The following MAFK variants were observed in gnomAD, a reference collection of about 807,000 sequenced individuals.
MAFK encodes the protein MAF bZIP transcription factor K.
A neutral mutation model predicts 9.2 loss-of-function variants in MAFK; 1 was observed. The observed-to-expected ratio is 0.11, with a 90% CI of 0.04 to 0.52. The LOEUF (loss-of-function observed/expected upper bound fraction) is 0.52, where lower values mean the gene tolerates loss of function less well. Ranked by LOEUF, MAFK falls within the 20% of genes least tolerant of loss-of-function variation. The pLI, the probability that MAFK is intolerant of heterozygous loss-of-function variation, is 0.94. For synonymous variants in MAFK, 110 were observed against 107.4 expected (o/e 1.02, Z -0.15); for missense variants, 207 against 236.0 (o/e 0.88, Z 0.81).
intron 2 of MAFK, 145 bp from the exon 3 acceptor site, chr7:1,539,796 C>T (rs934919145): frequency 1.2e-5 from 8 of 681,630 alleles, no homozygotes; most frequent in African/African-American, 1.8e-5. Flanking sequence ...GCACAGTGTC[C>T]TGTGGTCCCT....
intron 1 of MAFK, among the ~76,000 whole-genome samples, chr7:1,531,832 C>T (rs890465830): frequency 5.9e-5 from 9 of 152,212 alleles, no homozygotes; most frequent in Admixed American, 3.9e-4. Context: ...TGCATTCTCG[C>T]GCTCACACCG....
intron 1 of MAFK, chr7:1,538,230 G>A: frequency 1.0e-6 from 1 of 979,860 alleles, no homozygotes; most frequent in South Asian, 4.7e-5. Context: ...ATTAGAATGT[G>A]TGACACAATG....
At position 1,539,108 on chromosome 7, in the gene MAFK, C is replaced by T; in HGVS notation, c.-44-41C>T. On this transcript the variant is annotated intron_variant, in intron 1 of 2. Transcript: ENST00000343242. ...GGGCACCCTGTCCGGCGCTGCCGGC[C>T]CTGACCTGTGCTGGCTTCTCTGCTT... The T allele has an allele frequency of 2.6e-6, 4 of 1,542,280 alleles. No individual in the cohort carries two copies. The South Asian group carries it at 3.4e-5, about 13-fold the overall frequency.
chr7:1,540,669 T>C lies in MAFK; in HGVS notation c.*294T>C, dbSNP rs905603183. ...TTGCACCCGTGGGAGTCGGGACATA[T>C]AATGGAAAGGCCCTCGGGAAGTTCC... On this transcript the variant is annotated 3_prime_UTR_variant, in exon 3 of 3. Transcript: ENST00000343242. 53 of 416,308 alleles carry C rather than the reference T, an allele frequency of 1.3e-4. No individual in the cohort carries two copies. The highest frequency in any genetic ancestry group is 1.1e-3 in the African/African-American group (50 of 47,398). The allele number at this position is 416,308 out of a possible 1,614,324, so 25.8% of individuals were successfully genotyped here.
At position 1,540,619 on chromosome 7, in the gene MAFK, G is replaced by A; in HGVS notation, c.*244G>A. ...GCCCGCCACCTGCTCCCCGCAGGAT[G>A]TGTCTGTGTGTGGGAATTGGTATCT... On this transcript the variant is annotated 3_prime_UTR_variant, in exon 3 of 3. Coordinates refer to ENST00000343242, the MANE Select transcript of MAFK (RefSeq NM_002360.4). 1 of 522,482 alleles carries A rather than the reference G, an allele frequency of 1.9e-6. No homozygotes were observed. The highest frequency in any genetic ancestry group is 3.4e-6 in the Non-Finnish European group (1 of 296,266). The allele number at this position is 522,482 out of a possible 1,614,324, so 32.4% of individuals were successfully genotyped here. A position where few individuals can be genotyped will look rare whatever the true frequency, so the allele number is the denominator to read the frequency against.
intron 1 of MAFK, among the ~76,000 whole-genome samples, chr7:1,531,469 C>T (rs933851923): frequency 6.6e-6 from 1 of 152,176 alleles, no homozygotes; most frequent in East Asian, 1.9e-4. Context: ...TCCCCACAGG[C>T]GGGATCCTGG....
At chr7:1,533,229 C>T (rs931687687) in intron 1 of MAFK, among the ~76,000 whole-genome samples, 20 of 152,284 alleles carry the variant, frequency 1.3e-4, no homozygotes, top group African/African-American at 4.3e-4. Flanking sequence ...CCGCACTGTG[C>T]GTCGGGTGTC....
At chr7:1,535,220 G>C (rs566027493) in intron 1 of MAFK, among the ~76,000 whole-genome samples, 4 of 151,034 alleles carry the variant, frequency 2.6e-5, no homozygotes, top group African/African-American at 9.8e-5. Flanking sequence ...TCCCAACTTG[G>C]TGGAGAAAAT....
rs1479116965 is a variant in MAFK at position 1,540,637 on chromosome 7, T to G, written c.*262T>G. 1 of 489,450 alleles carries G rather than the reference T, an allele frequency of 2.0e-6. No homozygotes were observed. Among genetic ancestry groups the G allele is most frequent in the East Asian group, 3.6e-5 (1 of 27,884 alleles). 30.3% of individuals were successfully genotyped at this position (489,450 alleles called of 1,614,324 possible). A position where few individuals can be genotyped will look rare whatever the true frequency, so the allele number is the denominator to read the frequency against. On this transcript the variant is annotated 3_prime_UTR_variant, in exon 3 of 3. Coordinates refer to ENST00000343242, the MANE Select transcript of MAFK (RefSeq NM_002360.4). ...GCAGGATGTGTCTGTGTGTGGGAAT[T>G]GGTATCTTGCACCCGTGGGAGTCGG...
rs138307776 is a variant in MAFK, at chr7:1,540,237, C to T, written c.333C>T (p.Tyr111=). The T allele has an allele frequency of 5.6e-6, 9 of 1,606,122 alleles. No homozygotes were observed. The East Asian group carries it at 6.8e-5, about 12-fold the overall frequency. ...AGCTGGACGCCCTGCGCTCCAAGTA[C>T]GAGGCGCTGCAGACCTTCGCGCGCA... ...RLELDALRSK[Y]EALQTFARTV... The change falls in exon 3 of 3, where the codon TAC becomes TAT. Residue 111 remains tyrosine (Y), a synonymous_variant. Coordinates refer to ENST00000343242, the MANE Select transcript of MAFK (RefSeq NM_002360.4).
At chr7:1,538,888 T>C in intron 1 of MAFK, 1 of 375,096 alleles carries the variant, frequency 2.7e-6, no homozygotes, top group Non-Finnish European at 4.8e-6. Context: ...TCCCAGCCGC[T>C]CTGTGGAGTG....
chr7:1,540,645 T>C lies in MAFK; in HGVS notation c.*270T>C, dbSNP rs903891250. 6.4e-6 allele frequency: 3 copies of C among 472,424 alleles called. No individual in the cohort carries two copies. Among genetic ancestry groups the C allele is most frequent in the Non-Finnish European group, 1.1e-5 (3 of 266,720 alleles). The allele number at this position is 472,424 out of a possible 1,614,324, so 29.3% of individuals were successfully genotyped here. On this transcript the variant is annotated 3_prime_UTR_variant, in exon 3 of 3. Transcript: ENST00000343242. ...TGTCTGTGTGTGGGAATTGGTATCT[T>C]GCACCCGTGGGAGTCGGGACATATA...
intron 1 of MAFK, among the ~76,000 whole-genome samples, chr7:1,536,356 CGGG>C (rs914206421): frequency 6.6e-5 from 10 of 152,176 alleles, no homozygotes; most frequent in African/African-American, 2.4e-4. Flanking sequence ...CGTCGTTCCT[CGGG>C]GGCTGCTGGA....
At chr7:1,536,559 GTCGGACAGTTCACAAAACCCCA>G (rs1369520461) in intron 1 of MAFK, among the ~76,000 whole-genome samples, 4 of 152,208 alleles carry the variant, frequency 2.6e-5, no homozygotes, top group Admixed American at 6.5e-5. Context: ...GCCATGTGAG[GTCGGACAGTTCACAAAACCCCA>G]TTTAGGGCAG....
At position 1,535,085 on chromosome 7, in the gene MAFK, CTTT is replaced by C. The variant is rs59057812; in HGVS notation, c.-44-4049_-44-4047del. 1.2e-4 allele frequency among the ~76,000 whole-genome samples: 13 copies of C among 111,948 alleles called. No homozygotes were observed. The South Asian group carries it at 2.4e-3, about 21-fold the overall frequency. The allele number at this position is 111,948 out of a possible 152,430, so 73.4% of individuals were successfully genotyped here. A position where few individuals can be genotyped will look rare whatever the true frequency, so the allele number is the denominator to read the frequency against. On this transcript the variant is annotated intron_variant, in intron 1 of 2. Transcript: ENST00000343242. ...CCATCACAACTGGCTATTTAAAATT[CTTT>C]TTTTTTTTTTTTTTGTAGAGATGGG...
intron 1 of MAFK, chr7:1,537,242 CT>C: frequency 2.9e-6 from 1 of 350,308 alleles, no homozygotes; most frequent in Non-Finnish European, 4.0e-6. Flanking sequence ...CCGGACCTTC[CT>C]TTTCCGCCCG....
At chr7:1,539,303 T>C (rs920926829) in intron 2 of MAFK, 75 bp downstream of exon 2, 10 of 1,290,784 alleles carry the variant, frequency 7.7e-6, no homozygotes, top group African/African-American at 3.0e-5. Flanking sequence ...GCCCCTGCTA[T>C]CCCAGGGCCG....
intron 1 of MAFK, chr7:1,537,272 G>A (rs1784053700): frequency 1.7e-6 from 1 of 580,428 alleles, no homozygotes; most frequent in Non-Finnish European, 2.2e-6. Flanking sequence ...GCCACGGCGG[G>A]CAGTGGGCCC....
intron 1 of MAFK, chr7:1,537,421 A>T (rs1033394523): frequency 2.0e-6 from 2 of 985,400 alleles, no homozygotes; most frequent in Non-Finnish European, 2.4e-6. Flanking sequence ...GTGGAGCTGG[A>T]AGCGGTGCCC....
Sources: allele counts gnomAD v4.1 joint callset (sites outside exome capture counted in the v4.1 genomes callset), GRCh38; gene constraint gnomAD v4.1.1; transcripts MANE v1.5; gene names NCBI Gene and HGNC (gene_info 2026-07-23, HGNC 2026-07-21).